NALCN: variants seen among roughly 807,000 people sequenced by gnomAD.
NALCN encodes sodium leak channel NALCN.
In NALCN, 111 loss-of-function variants were observed where a neutral mutation model predicts 225.3. The observed-to-expected ratio is 0.49, with a 90% CI of 0.42 to 0.58. NALCN has a LOEUF of 0.58. NALCN is among the 20% of genes least tolerant of loss of function. The pLI is 0.00. For missense variants in NALCN, 1,378 were observed against 2,202.4 expected, an observed-to-expected ratio of 0.63 and a Z score of 7.49; for synonymous variants, 764 against 769.0, an observed-to-expected ratio of 0.99 and a Z score of 0.11.
At chr13:101,129,170 T>C (rs1403176112) in intron 17 of NALCN, among the ~76,000 whole-genome samples, 2 of 152,204 alleles carry the variant, frequency 1.3e-5, no homozygotes, top group East Asian at 1.9e-4. Context: ...TGAGGTGCTT[T>C]CCCTCCTGTA....
chr13:101,250,345 T>A (rs1051958258), intron 11 of NALCN, among the ~76,000 whole-genome samples: 4 of 151,986 alleles, frequency 2.6e-5, no homozygotes, highest in Admixed American at 6.6e-5. Flanking sequence ...AATATCAACA[T>A]CAGTAGCTTG....
At chr13:101,159,071 C>T (rs970900074) in intron 15 of NALCN, among the ~76,000 whole-genome samples, 1 of 152,142 alleles carries the variant, frequency 6.6e-6, no homozygotes, top group African/African-American at 2.4e-5. Flanking sequence ...TCCAGGTAGT[C>T]ATATAATTCC....
intron 1 of NALCN, among the ~76,000 whole-genome samples, chr13:101,412,682 C>T (rs9585688): frequency 0.23 from 34,925 of 152,140 alleles, 8,610 homozygotes; most frequent in African/African-American, 0.62. Context: ...TGAACTTTAG[C>T]TTTTCCTATC....
intron 13 of NALCN, among the ~76,000 whole-genome samples, chr13:101,212,319 C>T (rs925593331): frequency 1.9e-4 from 29 of 152,164 alleles, no homozygotes; most frequent in African/African-American, 6.8e-4. Context: ...GCTAGGCACA[C>T]AGTAAATTCC....
chr13:101,400,107 C>G (rs77527908), intron 1 of NALCN, among the ~76,000 whole-genome samples: 452 of 151,776 alleles, frequency 3.0e-3, no homozygotes, highest in African/African-American at 9.9e-3. Flanking sequence ...GTTTGGGACA[C>G]TTAGCAATGA....
At chr13:101,261,709 T>C (rs2042432960) in intron 10 of NALCN, among the ~76,000 whole-genome samples, 1 of 152,254 alleles carries the variant, frequency 6.6e-6, no homozygotes, top group South Asian at 2.1e-4. Context: ...TCCTGCAACA[T>C]TACTAGGTTT....
At chr13:101,381,290 T>C (rs1333973904) in intron 3 of NALCN, among the ~76,000 whole-genome samples, 1 of 152,174 alleles carries the variant, frequency 6.6e-6, no homozygotes, top group Non-Finnish European at 1.5e-5. Flanking sequence ...GGTGTTTATG[T>C]GCTACACATA....
intron 11 of NALCN, among the ~76,000 whole-genome samples, chr13:101,246,283 T>A (rs1445403935): frequency 6.6e-6 from 1 of 152,140 alleles, no homozygotes; most frequent in Non-Finnish European, 1.5e-5. Flanking sequence ...ATTTGAAATG[T>A]GTTATCTAAT....
chr13:101,275,005 T>C (rs2042924712), intron 10 of NALCN, among the ~76,000 whole-genome samples: 1 of 152,124 alleles, frequency 6.6e-6, no homozygotes, highest in Admixed American at 6.5e-5. Context: ...AAGGGCGGTT[T>C]CAAACGACTT....
chr13:101,221,397 A>G (rs1436524539), intron 13 of NALCN, among the ~76,000 whole-genome samples: 1 of 152,136 alleles, frequency 6.6e-6, no homozygotes, highest in Non-Finnish European at 1.5e-5. Flanking sequence ...GATTACAGGC[A>G]TGAGCCCTGC....
Position 101,253,730 on chromosome 13 carries a change from T to C in NALCN, c.1266+4713A>G, listed in dbSNP as rs911304368. Among the ~76,000 whole-genome samples, 10 of 152,184 alleles carry C rather than the reference T, an allele frequency of 6.6e-5. 1 individual carries two copies. Among genetic ancestry groups the C allele is most frequent in the Non-Finnish European group, 1.2e-4 (8 of 68,032 alleles). ...TTTCTATAGCTTAAACCAAGATCCA[T>C]TTTTGTAAATAAAGTTTTATTGGAA... On this transcript the variant is annotated intron_variant, in intron 11 of 43. Coordinates refer to ENST00000251127, the MANE Select transcript of NALCN (RefSeq NM_052867.4).
At chr13:101,393,932 G>A in intron 3 of NALCN, among the ~76,000 whole-genome samples, 1 of 152,096 alleles carries the variant, frequency 6.6e-6, no homozygotes, top group East Asian at 1.9e-4. Context: ...TTAAGTATTA[G>A]CCTACATTAA....
At chr13:101,262,134 T>C (rs890963614) in intron 10 of NALCN, among the ~76,000 whole-genome samples, 2 of 152,260 alleles carry the variant, frequency 1.3e-5, no homozygotes, top group Non-Finnish European at 2.9e-5. Context: ...ATTCTGTTGA[T>C]AGGATGTATC....
rs1338963041 is a variant in NALCN, at chr13:101,292,484, A to C, written c.800-118T>G. ...ATTTTCTCAATGACAAAAGTGCTTC[A>C]AAAATTGATTAGAATCACATGCAAC... On this transcript the variant is annotated intron_variant, in intron 7 of 43. Coordinates refer to ENST00000251127, the MANE Select transcript of NALCN (RefSeq NM_052867.4). The surrounding 1 kb of genome is among the most constrained non-coding windows in gnomAD (Gnocchi z 4.3). 1 of 1,068,124 alleles carries C rather than the reference A, an allele frequency of 9.4e-7. No homozygotes were observed. The highest frequency in any genetic ancestry group is 1.6e-5 in the African/African-American group (1 of 62,802). 66.2% of individuals were successfully genotyped at this position (1,068,124 alleles called of 1,614,324 possible). A position where few individuals can be genotyped will look rare whatever the true frequency, so the allele number is the denominator to read the frequency against.
intron 28 of NALCN, among the ~76,000 whole-genome samples, chr13:101,091,752 G>T (rs1054753931): frequency 6.6e-6 from 1 of 152,126 alleles, no homozygotes; most frequent in African/African-American, 2.4e-5. Flanking sequence ...CTCAGAGCCG[G>T]TGTTGGACTT....
chr13:101,249,642 T>TA (rs1227418406), intron 11 of NALCN, among the ~76,000 whole-genome samples: 1 of 152,032 alleles, frequency 6.6e-6, no homozygotes, highest in Non-Finnish European at 1.5e-5. Context: ...ACTAAGAAAT[T>TA]AAAAAGGAAA....
chr13:101,109,710 T>G (rs1254607583), intron 20 of NALCN, among the ~76,000 whole-genome samples: 2 of 152,190 alleles, frequency 1.3e-5, no homozygotes, highest in African/African-American at 4.8e-5. Flanking sequence ...AAACCTTTCA[T>G]TGTAATCTTT....
intron 1 of NALCN, among the ~76,000 whole-genome samples, chr13:101,401,857 A>T (rs1161904610): frequency 6.6e-6 from 1 of 152,240 alleles, no homozygotes; most frequent in African/African-American, 2.4e-5. Flanking sequence ...CTCTAGATTT[A>T]ATTTAATACT....
intron 7 of NALCN, among the ~76,000 whole-genome samples, chr13:101,297,549 G>A (rs2043801720): frequency 1.3e-5 from 2 of 152,156 alleles, no homozygotes; most frequent in African/African-American, 4.8e-5. Context: ...TCCTTACCAG[G>A]TATGCTAGAG....
Sources: gnomAD v4.1 joint callset for allele counts (sites outside exome capture counted in the v4.1 genomes callset) on GRCh38, gnomAD v4.1.1 for gene constraint, Gnocchi (gnomAD v3.1) non-coding constraint, MANE v1.5 for transcripts, NCBI Gene and HGNC (gene_info 2026-07-23, HGNC 2026-07-21) for gene names.